FRRS1L: variants seen among roughly 807,000 people sequenced by gnomAD.
FRRS1L encodes the protein DOMON domain-containing protein FRRS1L.
In FRRS1L, 22 loss-of-function variants were observed where a neutral mutation model predicts 28.6. That is an observed-to-expected ratio of 0.77 (90% CI 0.55 to 1.10). FRRS1L has a LOEUF of 1.10. Among genes scored for constraint, FRRS1L ranks in the 50% least tolerant of loss-of-function variants. The pLI is 0.00. For synonymous variants in FRRS1L, 158 were observed against 151.4 expected, an observed-to-expected ratio of 1.04 and a Z score of -0.32; for missense variants, 380 against 386.9, an observed-to-expected ratio of 0.98 and a Z score of 0.15.
At chr9:109,139,279 G>A (rs1831151000) in intron 4 of FRRS1L, 1 of 152,170 alleles carries the variant, frequency 6.6e-6, no homozygotes, top group African/African-American at 2.4e-5. Context: ...ATATGGGGTA[G>A]GAATGTGCCT....
At position 109,141,610 on chromosome 9, in the gene FRRS1L, G is replaced by GA. The variant is rs11421991; in HGVS notation, c.463-22dup. The GA allele has an allele frequency of 0.21, 307,919 of 1,452,852 alleles. 18,192 individuals carry two copies. Among genetic ancestry groups the GA allele is most frequent in the East Asian group, 0.31 (12,638 of 40,958 alleles). 90.0% of individuals were successfully genotyped at this position (1,452,852 alleles called of 1,614,324 possible). A position where few individuals can be genotyped will look rare whatever the true frequency, so the allele number is the denominator to read the frequency against. ...CCACCCTAACATGAGAAATGATTGAGAAAAAAAAAAGTCAAAGGTTCATCT... is the reference window on the plus strand; with the variant it reads ...CCACCCTAACATGAGAAATGATTGAGAAAAAAAAAAAGTCAAAGGTTCATCT... On this transcript the variant is annotated intron_variant, in intron 3 of 4. Transcript: ENST00000561981.
At chr9:109,151,335 G>A (rs1363303728) in intron 1 of FRRS1L, 1 of 153,034 alleles carries the variant, frequency 6.5e-6, no homozygotes, top group Non-Finnish European at 1.5e-5. Flanking sequence ...AGCAGGAGGT[G>A]AGTGGCAGGC....
chr9:109,167,220 G>A lies in FRRS1L; in HGVS notation c.-82C>T, dbSNP rs1359655456. The A allele has an allele frequency of 2.2e-6, 3 of 1,344,880 alleles. No homozygotes were observed. Among genetic ancestry groups the A allele is most frequent in the Non-Finnish European group, 1.9e-6 (2 of 1,044,232 alleles). 83.3% of individuals were successfully genotyped at this position (1,344,880 alleles called of 1,614,324 possible). The stretch of plus-strand genomic sequence containing the variant: ...CGCGGGCCGGGACTGAGCCTCCGCC[G>A]AGGCCACCAGCACGCGCCCGCGCAG... On this transcript the variant is annotated 5_prime_UTR_variant, in exon 1 of 5. Coordinates refer to ENST00000561981, the MANE Select transcript of FRRS1L (RefSeq NM_014334.4).
rs118149760 is a variant in FRRS1L, at chr9:109,137,191, C to T, written c.*264G>A. 169 of 210,370 alleles carry T rather than the reference C, an allele frequency of 8.0e-4. No individual in the cohort carries two copies. The highest frequency in any genetic ancestry group is 1.3e-3 in the Non-Finnish European group (140 of 106,208). The allele number at this position is 210,370 out of a possible 1,614,324, so 13.0% of individuals were successfully genotyped here. A position where few individuals can be genotyped will look rare whatever the true frequency, so the allele number is the denominator to read the frequency against. On this transcript the variant is annotated 3_prime_UTR_variant, in exon 5 of 5. Coordinates refer to ENST00000561981, the MANE Select transcript of FRRS1L (RefSeq NM_014334.4). ...GCAATCACAATTTTCATCAATCCAA[C>T]TCAGAGATGTTGTGAAGTTAAATAA...
Position 109,166,886 on chromosome 9 carries a change from C to A in FRRS1L, c.238+15G>T, listed in dbSNP as rs1264384077. ...GTCTCCCCTCCCGCAACCCCTCGCC[C>A]TCCCGCAGCCTCACCCTCCTCCGAC... On this transcript the variant is annotated intron_variant, in intron 1 of 4. Transcript: ENST00000561981. The A allele has an allele frequency of 1.6e-6, 2 of 1,277,444 alleles. No individual in the cohort carries two copies. The highest frequency in any genetic ancestry group is 3.1e-5 in the African/African-American group (2 of 63,976). 79.1% of individuals were successfully genotyped at this position (1,277,444 alleles called of 1,614,324 possible). A position where few individuals can be genotyped will look rare whatever the true frequency, so the allele number is the denominator to read the frequency against.
intron 1 of FRRS1L, among the ~76,000 whole-genome samples, chr9:109,165,193 G>T (rs558897863): frequency 6.6e-6 from 1 of 152,198 alleles, no homozygotes; most frequent in South Asian, 2.1e-4. Flanking sequence ...GACAGATTCC[G>T]CCACATGGCT....
At chr9:109,138,002 C>G (rs906933979) in intron 4 of FRRS1L, 2 of 153,068 alleles carry the variant, frequency 1.3e-5, no homozygotes, top group African/African-American at 4.8e-5. Context: ...CCCAAATGGG[C>G]AAACTATATT....
chr9:109,146,614 A>G (rs1362267010), intron 3 of FRRS1L, among the ~76,000 whole-genome samples: 1 of 152,104 alleles, frequency 6.6e-6, no homozygotes, highest in Non-Finnish European at 1.5e-5. Context: ...TGGTTCTTTC[A>G]CTTCTGCCTC....
intron 4 of FRRS1L, chr9:109,140,889 T>C (rs1259721985): frequency 1.2e-5 from 2 of 170,762 alleles, no homozygotes; most frequent in African/African-American, 4.8e-5. Context: ...ATTCATGGGC[T>C]TTGGGGTCAG....
chr9:109,147,233 A>G, intron 2 of FRRS1L, 44 bp from the exon 3 acceptor site: 1 of 1,526,784 alleles, frequency 6.5e-7, no homozygotes, highest in South Asian at 1.1e-5. Flanking sequence ...CTACTTACAC[A>G]AAAGACATTA....
At chr9:109,148,986 G>A (rs1831296185) in intron 2 of FRRS1L, among the ~76,000 whole-genome samples, 1 of 152,146 alleles carries the variant, frequency 6.6e-6, no homozygotes, top group Admixed American at 6.5e-5. Context: ...TCAGTACAGT[G>A]ACCATCAAAA....
chr9:109,155,973 A>G (rs1483928595), intron 1 of FRRS1L, among the ~76,000 whole-genome samples: 1 of 152,014 alleles, frequency 6.6e-6, no homozygotes, highest in Non-Finnish European at 1.5e-5. Context: ...ACTGTTGCAG[A>G]AAAAAAATGG....
chr9:109,138,403 CTT>C (rs1175712037), intron 4 of FRRS1L: 1 of 152,118 alleles, frequency 6.6e-6, no homozygotes, highest in Non-Finnish European at 1.5e-5. Context: ...CCATTTGAAA[CTT>C]GGGTTAGGGA....
Position 109,134,625 on chromosome 9 carries a change from A to G in FRRS1L, c.*2830T>C, listed in dbSNP as rs1453263468. ...TTTACCTTAATGGCACTGAGAAGTCATTGAAAGTTCTAAGCATAAATAAGC... is the reference window on the plus strand; with the variant it reads ...TTTACCTTAATGGCACTGAGAAGTCGTTGAAAGTTCTAAGCATAAATAAGC... On this transcript the variant is annotated 3_prime_UTR_variant, in exon 5 of 5. Transcript: ENST00000561981. 6.6e-6 allele frequency: 1 copy of G among 152,220 alleles called. No homozygotes were observed. Among genetic ancestry groups the G allele is most frequent in the East Asian group, 1.9e-4 (1 of 5,188 alleles). 9.4% of individuals were successfully genotyped at this position (152,220 alleles called of 1,614,324 possible).
chr9:109,160,850 T>C (rs576974044), intron 1 of FRRS1L, among the ~76,000 whole-genome samples: 3 of 145,216 alleles, frequency 2.1e-5, no homozygotes, highest in African/African-American at 7.7e-5. Flanking sequence ...TGGAGTGCAA[T>C]GGCATGATCT....
chr9:109,159,295 A>G (rs376587208), intron 1 of FRRS1L, among the ~76,000 whole-genome samples: 1 of 151,470 alleles, frequency 6.6e-6, no homozygotes, highest in Admixed American at 6.6e-5. Context: ...TTTATATGTC[A>G]ATTTGGCTGG....
intron 1 of FRRS1L, among the ~76,000 whole-genome samples, chr9:109,160,555 T>A (rs1010468728): frequency 6.6e-6 from 1 of 152,044 alleles, no homozygotes; most frequent in Admixed American, 6.6e-5. Flanking sequence ...ACTGGCTAAC[T>A]TTTTTATCTT....
chr9:109,137,743 T>A (rs1831133757), intron 4 of FRRS1L, 116 bp from the exon 5 acceptor site: 2 of 530,208 alleles, frequency 3.8e-6, no homozygotes, highest in East Asian at 5.8e-5. Flanking sequence ...TAAGCAGTGG[T>A]TACAAAGATC....
chr9:109,163,101 G>C (rs1324468404), intron 1 of FRRS1L, among the ~76,000 whole-genome samples: 25 of 152,170 alleles, frequency 1.6e-4, no homozygotes, highest in Admixed American at 1.6e-3. Flanking sequence ...AGCTTCATTT[G>C]GGACTTAACC....
Sources: gnomAD v4.1 joint callset for allele counts (sites outside exome capture counted in the v4.1 genomes callset) on GRCh38, gnomAD v4.1.1 for gene constraint, MANE v1.5 for transcripts, NCBI Gene and HGNC (gene_info 2026-07-23, HGNC 2026-07-21) for gene names.